The following ADNP2 variants were observed in gnomAD, a reference collection of about 807,000 sequenced individuals.
ADNP2 encodes activity-dependent neuroprotector homeobox protein 2.
ADNP2 carries 8 observed loss-of-function variants against 16.4 expected under a neutral mutation model. The observed-to-expected ratio is 0.49, with a 90% CI of 0.29 to 0.88. The LOEUF (loss-of-function observed/expected upper bound fraction) is 0.88. Among genes scored for constraint, ADNP2 ranks in the 40% least tolerant of loss-of-function variants. The pLI, the probability that ADNP2 is intolerant of heterozygous loss-of-function variation, is 0.09. For missense variants in ADNP2, 1,397 were observed against 1,395.1 expected (o/e 1.00, Z -0.02); for synonymous variants, 637 against 545.8 (o/e 1.17, Z -2.33).
chr18:80,124,022 G>A (rs563450168), intron 2 of ADNP2, among the ~76,000 whole-genome samples: 5 of 152,246 alleles, frequency 3.3e-5, no homozygotes, highest in African/African-American at 1.2e-4. Context: ...GAGCCAGCAC[G>A]CTCAGCCTTT....
chr18:80,112,408 C>G (rs1332512497), intron 1 of ADNP2, among the ~76,000 whole-genome samples: 1 of 151,212 alleles, frequency 6.6e-6, no homozygotes, highest in Non-Finnish European at 1.5e-5. Flanking sequence ...GTTGGTTTCC[C>G]TAAAGCAGTT....
At chr18:80,120,028 G>T (rs939234) in intron 2 of ADNP2, among the ~76,000 whole-genome samples, 128,610 of 151,952 alleles carry the variant, frequency 0.85, 54,548 homozygotes, top group Non-Finnish European at 0.87. Flanking sequence ...GGTTATAGGG[G>T]TGGGGACTGG....
At chr18:80,128,589 G>A (rs1055269597) in intron 2 of ADNP2, among the ~76,000 whole-genome samples, 1 of 152,150 alleles carries the variant, frequency 6.6e-6, no homozygotes, top group African/African-American at 2.4e-5. Context: ...GGTGGAGGCG[G>A]CAGTGAGCCG....
chr18:80,133,820 T>G (rs2052513887), intron 3 of ADNP2: 1 of 152,366 alleles, frequency 6.6e-6, no homozygotes, highest in African/African-American at 2.4e-5. Context: ...TTTCAGTAAT[T>G]AGTCGTTGTC....
At chr18:80,126,299 C>A (rs758466884) in intron 2 of ADNP2, among the ~76,000 whole-genome samples, 1 of 151,968 alleles carries the variant, frequency 6.6e-6, no homozygotes, top group Non-Finnish European at 1.5e-5. Context: ...AGAAATCTTA[C>A]AATATGTTGT....
At chr18:80,114,034 TAAA>T (rs1239543646) in intron 1 of ADNP2, among the ~76,000 whole-genome samples, 3 of 150,690 alleles carry the variant, frequency 2.0e-5, no homozygotes, top group African/African-American at 4.9e-5. Flanking sequence ...TACCAAAAAA[TAAA>T]AAAAAGTTAG....
rs191716633 is a variant in ADNP2 at position 80,128,662 on chromosome 18, A to G, written c.109-4441A>G. Among the ~76,000 whole-genome samples, 713 of 152,296 alleles carry G rather than the reference A, an allele frequency of 4.7e-3. 8 individuals carry two copies. Among genetic ancestry groups the G allele is most frequent in the African/African-American group, 0.016 (681 of 41,556 alleles). ...AAGACCCCGTCTCAAAAAAAGAAAT[A>G]AATAAATAAAAATAAAGAAATATTT... On this transcript the variant is annotated intron_variant, in intron 2 of 3. Transcript: ENST00000262198.
chr18:80,133,510 A>T (rs1019747778), intron 3 of ADNP2, among the ~76,000 whole-genome samples: 29 of 152,238 alleles, frequency 1.9e-4, no homozygotes, highest in Non-Finnish European at 2.9e-5. Flanking sequence ...CCACTACATT[A>T]AGTGCATACA....
At chr18:80,122,780 A>G (rs1352980843) in intron 2 of ADNP2, among the ~76,000 whole-genome samples, 9 of 152,014 alleles carry the variant, frequency 5.9e-5, no homozygotes, top group Non-Finnish European at 8.8e-5. Context: ...CTTTACTTCT[A>G]TTTTTCAGTT....
At chr18:80,111,566 ATTTT>A (rs34338300) in intron 1 of ADNP2, among the ~76,000 whole-genome samples, 5 of 127,060 alleles carry the variant, frequency 3.9e-5, no homozygotes, top group Non-Finnish European at 3.4e-5. Context: ...CCTGAATGAC[ATTTT>A]TTTTTTTTTT....
intron 2 of ADNP2, among the ~76,000 whole-genome samples, chr18:80,126,070 C>A (rs963106127): frequency 6.6e-6 from 1 of 151,994 alleles, no homozygotes; most frequent in Non-Finnish European, 1.5e-5. Context: ...CTTGTCTCAT[C>A]TGTTCTTTAT....
intron 1 of ADNP2, among the ~76,000 whole-genome samples, chr18:80,114,269 TCTA>T (rs2052375685): frequency 6.6e-6 from 1 of 152,194 alleles, no homozygotes; most frequent in African/African-American, 2.4e-5. Flanking sequence ...TTAAAATTTT[TCTA>T]CTTTTACTAC....
At chr18:80,118,235 G>A (rs1293685173) in intron 2 of ADNP2, among the ~76,000 whole-genome samples, 2 of 152,114 alleles carry the variant, frequency 1.3e-5, no homozygotes, top group African/African-American at 4.8e-5. Flanking sequence ...GACCAGCCTG[G>A]CCAACAACAT....
rs138250659 is a variant in ADNP2 at position 80,117,700 on chromosome 18, C to T, written c.108+50C>T. ...GGAATCTGGAGGTGAGATTTGAACT[C>T]GGGTTTTTGAAGAGTGGGTAAGATT... is the stretch of plus-strand genomic sequence containing the variant. On this transcript the variant is annotated intron_variant, in intron 2 of 3. Coordinates refer to ENST00000262198, the MANE Select transcript of ADNP2 (RefSeq NM_014913.4). 2.7e-4 allele frequency: 394 copies of T among 1,447,448 alleles called. 2 individuals are homozygous for T. The African/African-American group carries it at 4.6e-3, about 17-fold the overall frequency. 89.7% of individuals were successfully genotyped at this position (1,447,448 alleles called of 1,614,324 possible).
At chr18:80,126,626 T>G (rs935447502) in intron 2 of ADNP2, among the ~76,000 whole-genome samples, 13 of 152,330 alleles carry the variant, frequency 8.5e-5, no homozygotes, top group Admixed American at 7.8e-4. Flanking sequence ...TCTGTCATTT[T>G]TGTTCCTCTC....
intron 1 of ADNP2, among the ~76,000 whole-genome samples, chr18:80,112,937 A>C (rs1409081873): frequency 6.6e-6 from 1 of 152,194 alleles, no homozygotes; most frequent in East Asian, 1.9e-4. Flanking sequence ...GCTTTTGGAG[A>C]AGAACCCCAG....
chr18:80,113,949 G>C (rs1014689310), intron 1 of ADNP2, among the ~76,000 whole-genome samples: 1 of 152,112 alleles, frequency 6.6e-6, no homozygotes, highest in African/African-American at 2.4e-5. Context: ...CCCGTACTTT[G>C]AGAGGCTGAC....
At chr18:80,128,100 T>C (rs1230779948) in intron 2 of ADNP2, among the ~76,000 whole-genome samples, 5 of 152,250 alleles carry the variant, frequency 3.3e-5, no homozygotes, top group Admixed American at 1.3e-4. Flanking sequence ...TCATAATTAC[T>C]GTGGGGCTCT....
At chr18:80,132,674 TCCTCCCCTCTCTCCTCTCC>T (rs1268108487) in intron 2 of ADNP2, among the ~76,000 whole-genome samples, 1 of 51,604 alleles carries the variant, frequency 1.9e-5, no homozygotes, top group Non-Finnish European at 3.8e-5. Flanking sequence ...TCTCCCCTCT[TCCTCCCCTCTCTCCTCTCC>T]CCTCCCCTCT....
Sources: gnomAD v4.1 joint callset for allele counts (sites outside exome capture counted in the v4.1 genomes callset) on GRCh38, gnomAD v4.1.1 for gene constraint, MANE v1.5 for transcripts, NCBI Gene and HGNC (gene_info 2026-07-23, HGNC 2026-07-21) for gene names.